The following HDAC9 variants were observed in gnomAD, a reference collection of about 807,000 sequenced individuals.
HDAC9 encodes the protein histone deacetylase 9, also known as MEF-2 interacting transcription repressor (MITR) protein.
A neutral mutation model predicts 139.4 loss-of-function variants in HDAC9; 41 were observed. That is an observed-to-expected ratio of 0.29 (90% CI 0.23 to 0.38). HDAC9 has a LOEUF of 0.38. Ranked by LOEUF, HDAC9 falls within the 10% of genes least tolerant of loss-of-function variation. The pLI, the probability that HDAC9 is intolerant of heterozygous loss-of-function variation, is 1.00. For synonymous variants in HDAC9, 517 were observed against 476.2 expected, an observed-to-expected ratio of 1.09 and a Z score of -1.12; for missense variants, 1,147 against 1,297.0, an observed-to-expected ratio of 0.88 and a Z score of 1.78.
chr7:18,873,028 C>T (rs748310029), intron 21 of HDAC9, among the ~76,000 whole-genome samples: 7 of 152,042 alleles, frequency 4.6e-5, no homozygotes, highest in Non-Finnish European at 8.8e-5. Context: ...AAACTTGTTT[C>T]AATCTCTAAT....
At chr7:18,419,583 T>A (rs973332604) in intron 1 of HDAC9, among the ~76,000 whole-genome samples, 6 of 152,196 alleles carry the variant, frequency 3.9e-5, no homozygotes, top group African/African-American at 1.4e-4. Flanking sequence ...CTCTATTCTA[T>A]GCACAATTTA....
intron 2 of HDAC9, among the ~76,000 whole-genome samples, chr7:18,569,579 A>G (rs891313818): frequency 4.1e-4 from 63 of 152,360 alleles, no homozygotes; most frequent in African/African-American, 1.5e-3. Flanking sequence ...TTTTCTCAAT[A>G]TTGGCTAATT....
At chr7:18,909,793 C>G (rs1193862646) in intron 22 of HDAC9, among the ~76,000 whole-genome samples, 3 of 151,972 alleles carry the variant, frequency 2.0e-5, no homozygotes, top group African/African-American at 4.8e-5. Flanking sequence ...TCTGGGTCCT[C>G]TCTTCTATTC....
intron 11 of HDAC9, among the ~76,000 whole-genome samples, chr7:18,652,687 A>G (rs1161847654): frequency 3.3e-5 from 5 of 152,102 alleles, no homozygotes; most frequent in Admixed American, 2.6e-4. Context: ...AGCAGTTTCT[A>G]TTTTAACTAG....
intron 2 of HDAC9, among the ~76,000 whole-genome samples, chr7:18,569,885 C>G (rs1823672662): frequency 6.6e-6 from 1 of 151,948 alleles, no homozygotes; most frequent in African/African-American, 2.4e-5. Flanking sequence ...AAAAAATAGA[C>G]CATCACAGTC....
chr7:18,131,916 A>G lies in HDAC9; in HGVS notation c.-96-30313A>G, dbSNP rs552023347. ...AAAATTTAAGACACCTTCTTCCCCA[A>G]TATGTTTTAGGCAAAGAAGAGGCTG... On this transcript the variant is annotated intron_variant, in intron 1 of 12. Transcript: ENST00000417496. 8.5e-5 allele frequency among the ~76,000 whole-genome samples: 13 copies of G among 152,280 alleles called. No homozygotes were observed. In the South Asian group the frequency reaches 2.7e-3, roughly 32 times the overall value.
At chr7:18,490,760 A>G (rs146195235), upstream of HDAC9, among the ~76,000 whole-genome samples, 329 of 152,136 alleles carry the variant, frequency 2.2e-3, 1 homozygote, top group Middle Eastern at 6.8e-3. Flanking sequence ...CACTGACTGC[A>G]GGCAAATGCA....
chr7:18,673,233 C>T (rs1404509919), intron 12 of HDAC9, among the ~76,000 whole-genome samples: 4 of 151,946 alleles, frequency 2.6e-5, no homozygotes, highest in Admixed American at 1.3e-4. Flanking sequence ...GAGCTATGAT[C>T]ATGCCACGGT....
intron 16 of HDAC9, among the ~76,000 whole-genome samples, chr7:18,776,034 A>G (rs1046407220): frequency 6.6e-6 from 1 of 152,030 alleles, no homozygotes; most frequent in African/African-American, 2.4e-5. Context: ...TGGGCTCCAA[A>G]GATCCTCTTG....
intron 13 of HDAC9, among the ~76,000 whole-genome samples, chr7:18,745,714 T>C (rs1787893491): frequency 6.6e-6 from 1 of 150,594 alleles, no homozygotes; most frequent in South Asian, 2.1e-4. Flanking sequence ...GCCTGGCTAA[T>C]TTTTTGTATT....
chr7:18,484,815 T>G (rs977904512), intron 1 of HDAC9, among the ~76,000 whole-genome samples: 4 of 151,698 alleles, frequency 2.6e-5, no homozygotes, highest in African/African-American at 9.7e-5. Context: ...ATTATGCTAT[T>G]GCATGGCAGT....
At chr7:18,371,925 C>G (rs1784623594) in intron 1 of HDAC9, among the ~76,000 whole-genome samples, 1 of 152,152 alleles carries the variant, frequency 6.6e-6, no homozygotes, top group Admixed American at 6.5e-5. Flanking sequence ...TTTTGGTGCT[C>G]TTAACTGCTA....
At chr7:18,298,359 A>C (rs1014924969) in intron 1 of HDAC9, among the ~76,000 whole-genome samples, 1 of 151,488 alleles carries the variant, frequency 6.6e-6, no homozygotes. Flanking sequence ...ATATGTGTAC[A>C]TGTGCCATGC....
intron 12 of HDAC9, among the ~76,000 whole-genome samples, chr7:18,714,724 C>A (rs933621687): frequency 2.6e-5 from 4 of 152,198 alleles, no homozygotes; most frequent in Non-Finnish European, 4.4e-5. Context: ...CCCTGTACTA[C>A]TCTTCATAAC....
At chr7:18,968,316 ATTAG>A (rs1247410211) in intron 24 of HDAC9, among the ~76,000 whole-genome samples, 1 of 152,224 alleles carries the variant, frequency 6.6e-6, no homozygotes, top group Non-Finnish European at 1.5e-5. Context: ...TATTTTTCCA[ATTAG>A]TTAGAAATCA....
chr7:18,545,601 C>T (rs1467407000), intron 2 of HDAC9, among the ~76,000 whole-genome samples: 1 of 152,132 alleles, frequency 6.6e-6, no homozygotes, highest in Non-Finnish European at 1.5e-5. Flanking sequence ...CTTTAAGTTC[C>T]TTGGGAATAG....
intron 13 of HDAC9, among the ~76,000 whole-genome samples, chr7:18,732,978 T>TGTGTGTGTATGTGTATATACAC (rs1562894002): frequency 1.8e-5 from 2 of 108,594 alleles, no homozygotes; most frequent in South Asian, 2.4e-4. Context: ...TATATACACA[T>TGTGTGTGTATGTGTATATACAC]GTGTATGTGT....
chr7:18,230,553 T>C (rs1162262619), intron 2 of HDAC9, among the ~76,000 whole-genome samples: 1 of 152,206 alleles, frequency 6.6e-6, no homozygotes, highest in East Asian at 1.9e-4. Flanking sequence ...GTTCCTGTAA[T>C]TGAGCAATAG....
chr7:18,124,202 A>G (rs1383601039), intron 1 of HDAC9, among the ~76,000 whole-genome samples: 1 of 152,216 alleles, frequency 6.6e-6, no homozygotes, highest in African/African-American at 2.4e-5. Flanking sequence ...TGCCGAGCTC[A>G]TTTGGAGATC....
Sources: gnomAD v4.1 joint callset for allele counts (sites outside exome capture counted in the v4.1 genomes callset) on GRCh38, gnomAD v4.1.1 for gene constraint, MANE v1.5 for transcripts, NCBI Gene and HGNC (gene_info 2026-07-23, HGNC 2026-07-21) for gene names.